The following NHSL2 variants were observed in gnomAD, a reference collection of about 807,000 sequenced individuals.
NHSL2 encodes the protein NHS like 2, also known as NHS-like protein 2.
NHSL2 carries 27 observed loss-of-function variants against 53.4 expected under a neutral mutation model. That is an observed-to-expected ratio of 0.51 (90% CI 0.37 to 0.70). The LOEUF (loss-of-function observed/expected upper bound fraction) is 0.70. NHSL2 is among the 30% of genes least tolerant of loss of function. The pLI is 0.00. For synonymous variants in NHSL2, 408 were observed against 404.1 expected, an observed-to-expected ratio of 1.01 and a Z score of -0.12; for missense variants, 892 against 980.1, an observed-to-expected ratio of 0.91 and a Z score of 1.20.
intron 1 of NHSL2, among the ~76,000 whole-genome samples, chrX:71,985,694 A>G (rs893940273): frequency 8.9e-6 from 1 of 112,645 alleles, no homozygotes; most frequent in African/African-American, 3.2e-5. Flanking sequence ...AAGCTAAGTT[A>G]AAAAAGATTG....
At chrX:71,971,359 A>G (rs1424343814) in intron 1 of NHSL2, among the ~76,000 whole-genome samples, 1 of 112,078 alleles carries the variant, frequency 8.9e-6, no homozygotes, top group East Asian at 2.8e-4. Flanking sequence ...TTACAAATCT[A>G]ACAACACTTG....
chrX:72,144,529 A>G lies in NHSL2; in HGVS notation c.*955A>G. ...GAACAGCATCATCAAAGGCTCAAGG[A>G]TAATGGAAAGTAAGTGCATCTTGCC... On this transcript the variant is annotated 3_prime_UTR_variant, in exon 8 of 8. Coordinates refer to ENST00000633930, the MANE Select transcript of NHSL2 (RefSeq NM_001013627.3). 1 of 1,025,857 alleles carries G rather than the reference A, an allele frequency of 9.7e-7. No homozygotes were observed. Among genetic ancestry groups the G allele is most frequent in the South Asian group, 1.8e-5 (1 of 54,655 alleles). 84.5% of individuals were successfully genotyped at this position (1,025,857 alleles called of 1,213,427 possible).
chrX:72,025,497 G>A (rs1007870376), intron 1 of NHSL2, among the ~76,000 whole-genome samples: 1 of 112,394 alleles, frequency 8.9e-6, no homozygotes, highest in Middle Eastern at 4.2e-3. Flanking sequence ...CTAGACAGGA[G>A]GGAAGCCTTG....
intron 1 of NHSL2, among the ~76,000 whole-genome samples, chrX:71,950,513 A>G (rs905680384): frequency 3.6e-5 from 4 of 112,496 alleles, no homozygotes; most frequent in Non-Finnish European, 5.6e-5. Flanking sequence ...TTTTTGCCCC[A>G]GTTCTAGCTG....
intron 1 of NHSL2, among the ~76,000 whole-genome samples, chrX:72,008,256 C>G (rs1303482083): frequency 8.9e-6 from 1 of 112,909 alleles, no homozygotes; most frequent in East Asian, 2.8e-4. Context: ...CCTATCTGCT[C>G]AGTGGTTGGA....
At chrX:72,024,956 A>G (rs189361478) in intron 1 of NHSL2, among the ~76,000 whole-genome samples, 1 of 112,453 alleles carries the variant, frequency 8.9e-6, no homozygotes, top group Admixed American at 9.4e-5. Context: ...TATTAACTAT[A>G]GTTGCCTATG....
At chrX:72,035,014 T>C (rs143938397) in intron 1 of NHSL2, among the ~76,000 whole-genome samples, 3,786 of 111,928 alleles carry the variant, frequency 0.034, 176 homozygotes, top group African/African-American at 0.12. Context: ...TTTCTTCTTT[T>C]CTAATGTAAG....
intron 1 of NHSL2, among the ~76,000 whole-genome samples, chrX:72,086,372 C>T (rs1419895322): frequency 8.9e-6 from 1 of 111,805 alleles, no homozygotes; most frequent in Non-Finnish European, 1.9e-5. Context: ...GCGCAGGGGT[C>T]GGCTTTCTGC....
Position 72,140,456 on chromosome X carries a change from A to C in NHSL2, c.2908A>C (p.Ser970Arg). ...AGGAACACAGCAGCCTCCCCAGGGA[A>C]GTGTAGAGGACGAGGGCCCCAAGGT... Reference protein sequence around the residue: ...FSGTQQPPQGSVEDEGPKVRV... With the variant: ...FSGTQQPPQGRVEDEGPKVRV... Residue 970 changes from serine to arginine, a missense_variant, in exon 6 of 8, where the codon AGT (serine) becomes CGT (arginine). Physicochemically the swap from Ser to Arg is moderately radical, Grantham distance 110. Coordinates refer to ENST00000633930, the MANE Select transcript of NHSL2 (RefSeq NM_001013627.3). 1 of 1,208,912 alleles carries C rather than the reference A, an allele frequency of 8.3e-7. No homozygotes were observed. The highest frequency in any genetic ancestry group is 2.2e-5 in the Admixed American group (1 of 45,885).
chrX:72,122,821 G>A (rs1032389387), intron 1 of NHSL2, among the ~76,000 whole-genome samples: 1 of 112,709 alleles, frequency 8.9e-6, no homozygotes, highest in South Asian at 3.6e-4. Flanking sequence ...CTAGCTCCAC[G>A]TGCATACCAT....
intron 1 of NHSL2, among the ~76,000 whole-genome samples, chrX:72,025,669 G>A (rs1024004420): frequency 4.5e-5 from 5 of 112,231 alleles, no homozygotes; most frequent in South Asian, 3.7e-4. Context: ...TTAGGGCAAA[G>A]GACACCTGAG....
At chrX:72,113,893 C>G (rs2042113939) in intron 1 of NHSL2, among the ~76,000 whole-genome samples, 1 of 112,132 alleles carries the variant, frequency 8.9e-6, no homozygotes, top group African/African-American at 3.2e-5. Flanking sequence ...GGTCCTTCCT[C>G]TTTCTGACCC....
At chrX:71,979,025 C>T (rs1310189182) in intron 1 of NHSL2, among the ~76,000 whole-genome samples, 1 of 106,255 alleles carries the variant, frequency 9.4e-6, no homozygotes, top group African/African-American at 3.4e-5. Context: ...GGTTTTTTGT[C>T]CTTGCGATAG....
At chrX:72,075,454 T>C (rs1185685499) in intron 1 of NHSL2, among the ~76,000 whole-genome samples, 1 of 112,552 alleles carries the variant, frequency 8.9e-6, no homozygotes, top group Non-Finnish European at 1.9e-5. Context: ...CCTTGTCTTC[T>C]CTCAGTGCTG....
At chrX:72,043,011 C>T (rs1042970866) in intron 1 of NHSL2, among the ~76,000 whole-genome samples, 1 of 111,278 alleles carries the variant, frequency 9.0e-6, no homozygotes, top group African/African-American at 3.3e-5. Flanking sequence ...CAGGCCTGGA[C>T]TAGGTATGTA....
intron 1 of NHSL2, among the ~76,000 whole-genome samples, chrX:72,117,765 G>A (rs1261245232): frequency 1.8e-5 from 2 of 111,629 alleles, no homozygotes; most frequent in South Asian, 7.5e-4. Flanking sequence ...GCATGCGTCA[G>A]TACTTCATTC....
At chrX:72,044,429 A>G (rs1569474993) in intron 1 of NHSL2, 2 of 442,076 alleles carry the variant, frequency 4.5e-6, no homozygotes, top group East Asian at 3.7e-5. Flanking sequence ...AGCATCAACC[A>G]GTATCCTTGT....
intron 1 of NHSL2, among the ~76,000 whole-genome samples, chrX:72,026,979 G>A (rs1602316353): frequency 1.8e-5 from 2 of 112,446 alleles, no homozygotes; most frequent in East Asian, 2.8e-4. Flanking sequence ...GGGCAGGGCT[G>A]CAGTGATGAT....
intron 1 of NHSL2, among the ~76,000 whole-genome samples, chrX:71,995,306 A>G (rs2042045189): frequency 1.8e-5 from 2 of 112,050 alleles, no homozygotes; most frequent in Admixed American, 1.9e-4. Flanking sequence ...TCTCAGCACA[A>G]CAGCCGGTGT....
Sources: gnomAD v4.1 joint callset for allele counts (sites outside exome capture counted in the v4.1 genomes callset) on GRCh38, gnomAD v4.1.1 for gene constraint, MANE v1.5 for transcripts, NCBI Gene and HGNC (gene_info 2026-07-23, HGNC 2026-07-21) for gene names.